The following WDR49 variants were observed in gnomAD, a reference collection of about 807,000 sequenced individuals.
The protein encoded by WDR49 is WD repeat domain 49.
Under a neutral mutation model 119.5 loss-of-function variants are expected in WDR49, and 107 were observed. The ratio of observed to expected loss-of-function variants is 0.90; its 90% CI spans 0.77 to 1.05. The LOEUF (loss-of-function observed/expected upper bound fraction) is 1.05, where lower values mean the gene tolerates loss of function less well. WDR49 is among the 50% of genes least tolerant of loss of function. The probability of loss-of-function intolerance (pLI) is 0.00; values close to 1 mark genes in which losing one functional copy is unlikely to be tolerated. For synonymous variants in WDR49, 425 were observed against 418.8 expected (o/e 1.01, Z -0.18); for missense variants, 1,240 against 1,220.5 (o/e 1.02, Z -0.24).
rs1220998356 is a variant in WDR49, at chr3:167,653,399, C to A, written c.27G>T (p.Glu9Asp). 1.3e-6 allele frequency: 2 copies of A among 1,529,850 alleles called. No individual in the cohort carries two copies. Among genetic ancestry groups the A allele is most frequent in the Admixed American group, 4.0e-5 (2 of 49,872 alleles). The allele number at this position is 1,529,850 out of a possible 1,614,324, so 94.8% of individuals were successfully genotyped here. A position where few individuals can be genotyped will look rare whatever the true frequency, so the allele number is the denominator to read the frequency against. Reference sequence around the variant, plus strand: ...GCCCAAGCTGTGACCCTATGTTTAACTCAAGTACAGCTTTCTGGCAACTCA... The same window carrying A: ...GCCCAAGCTGTGACCCTATGTTTAAATCAAGTACAGCTTTCTGGCAACTCA... Reference protein sequence around the residue: MSCQKAVLELNIGSQLGPK... With the variant: MSCQKAVLDLNIGSQLGPK... The change falls in exon 2 of 19, where the codon GAG becomes GAT. Residue 9 changes from glutamate to aspartate, a missense_variant. Glu to Asp is a conservative substitution (Grantham distance 45). Transcript: ENST00000682715.
chr3:167,488,674 T>C (rs1337975196), intron 18 of WDR49, among the ~76,000 whole-genome samples: 1 of 152,086 alleles, frequency 6.6e-6, no homozygotes, highest in Non-Finnish European at 1.5e-5. Flanking sequence ...GGACAGTAGT[T>C]TGCTCAGATT....
chr3:167,542,218 A>G (rs1034498877), intron 10 of WDR49, among the ~76,000 whole-genome samples: 2 of 152,166 alleles, frequency 1.3e-5, no homozygotes, highest in Admixed American at 1.3e-4. Context: ...TGACACGAGT[A>G]AACAGGTTGT....
chr3:167,593,682 T>C (rs1397090472), intron 7 of WDR49, among the ~76,000 whole-genome samples: 1 of 152,126 alleles, frequency 6.6e-6, no homozygotes, highest in East Asian at 1.9e-4. Flanking sequence ...CTTTGGTGTC[T>C]GGGCATTGAA....
chr3:167,485,047 C>G (rs1750869590), intron 18 of WDR49, among the ~76,000 whole-genome samples: 1 of 152,130 alleles, frequency 6.6e-6, no homozygotes, highest in African/African-American at 2.4e-5. Context: ...TTTGCAGGGA[C>G]ATGGATGAAG....
chr3:167,554,058 T>C (rs1458255052), intron 10 of WDR49, among the ~76,000 whole-genome samples: 2 of 152,024 alleles, frequency 1.3e-5, no homozygotes, highest in Non-Finnish European at 2.9e-5. Context: ...TTTCAAAACA[T>C]ATCACACTTT....
At position 167,562,885 on chromosome 3, in the gene WDR49, A is replaced by T. The variant is rs372874564; in HGVS notation, c.1510-2657T>A. The stretch of plus-strand genomic sequence containing the variant: ...TTAAACAAACTAATATTTTTAAAGC[A>T]TTTATCACAGTGCATGGCATAGCCA... On this transcript the variant is annotated intron_variant, in intron 8 of 18. Transcript: ENST00000682715. Among the ~76,000 whole-genome samples, 111 of 152,346 alleles carry T rather than the reference A, an allele frequency of 7.3e-4. 1 individual carries two copies. Among genetic ancestry groups the T allele is most frequent in the African/African-American group, 2.5e-3 (105 of 41,586 alleles).
intron 2 of WDR49, among the ~76,000 whole-genome samples, chr3:167,642,621 GT>G (rs1395044323): frequency 1.3e-5 from 2 of 151,970 alleles, no homozygotes; most frequent in African/African-American, 4.8e-5. Flanking sequence ...TCAACTGAAA[GT>G]ACCTGGAAGC....
At chr3:167,547,825 T>G (rs2108259781) in intron 10 of WDR49, among the ~76,000 whole-genome samples, 1 of 152,094 alleles carries the variant, frequency 6.6e-6, no homozygotes, top group Non-Finnish European at 1.5e-5. Context: ...GTTTACATTT[T>G]GAATTAAGAT....
intron 17 of WDR49, among the ~76,000 whole-genome samples, chr3:167,501,293 G>A (rs984666139): frequency 7.9e-5 from 12 of 152,164 alleles, no homozygotes; most frequent in Admixed American, 7.2e-4. Context: ...CTTAGGATGC[G>A]TTAGTAATTT....
At position 167,529,154 on chromosome 3, in the gene WDR49, C is replaced by T; in HGVS notation, c.2304G>A (p.Leu768=). 1.2e-6 allele frequency: 2 copies of T among 1,612,020 alleles called. No individual in the cohort carries two copies. The highest frequency in any genetic ancestry group is 8.5e-7 in the Non-Finnish European group (1 of 1,179,220). ...TAATCGATCCAACTCCACTATGAGCCAAAAATTCAGCCAGAAGTTGCTTCT... is the reference window on the plus strand; with the variant it reads ...TAATCGATCCAACTCCACTATGAGCTAAAAATTCAGCCAGAAGTTGCTTCT... ...IYKKQLLAEF[L]AHSGVGSIIM... is the part of the protein sequence containing the mutation. The change falls in exon 14 of 19, where the codon TTG becomes TTA. Residue 768 remains leucine (L), a synonymous_variant. Coordinates refer to ENST00000682715, the MANE Select transcript of WDR49 (RefSeq NM_001366157.1).
At chr3:167,525,134 T>C (rs1752589166) in intron 15 of WDR49, among the ~76,000 whole-genome samples, 1 of 152,108 alleles carries the variant, frequency 6.6e-6, no homozygotes, top group Non-Finnish European at 1.5e-5. Flanking sequence ...CCCTTGTAAG[T>C]TGTATTCCTA....
chr3:167,561,823 A>G (rs1713286292), intron 8 of WDR49, among the ~76,000 whole-genome samples: 2 of 152,164 alleles, frequency 1.3e-5, no homozygotes, highest in Admixed American at 6.5e-5. Flanking sequence ...AATGTCCCCA[A>G]ACTTACAGGT....
chr3:167,620,655 A>T (rs955035022), intron 4 of WDR49, 52 bp from the exon 5 acceptor site: 28 of 1,458,632 alleles, frequency 1.9e-5, no homozygotes, highest in Non-Finnish European at 2.4e-5. Context: ...ATTTGTTGCA[A>T]GAAGATTCTA....
chr3:167,597,771 A>G (rs1440701139), intron 7 of WDR49, among the ~76,000 whole-genome samples: 1 of 152,162 alleles, frequency 6.6e-6, no homozygotes. Flanking sequence ...TTGGACTTGC[A>G]TGAGGCTTGT....
intron 2 of WDR49, among the ~76,000 whole-genome samples, chr3:167,632,660 A>G (rs1717425663): frequency 6.6e-6 from 1 of 152,086 alleles, no homozygotes; most frequent in South Asian, 2.1e-4. Context: ...TTAAATGTAC[A>G]ATTAAGGTAA....
At chr3:167,621,380 TCA>T (rs1716860900) in intron 4 of WDR49, 85 bp downstream of exon 4, 2 of 1,291,370 alleles carry the variant, frequency 1.5e-6, no homozygotes, top group Non-Finnish European at 2.0e-6. Context: ...AATTTGGAGG[TCA>T]CACTCATTGC....
chr3:167,504,865 G>A (rs1399777404), intron 17 of WDR49, among the ~76,000 whole-genome samples: 6 of 151,974 alleles, frequency 3.9e-5, no homozygotes, highest in Non-Finnish European at 8.8e-5. Context: ...ACAGAGATCT[G>A]GCTGTTGAAA....
chr3:167,544,404 A>T (rs1712036480), intron 10 of WDR49, among the ~76,000 whole-genome samples: 1 of 152,084 alleles, frequency 6.6e-6, no homozygotes, highest in Non-Finnish European at 1.5e-5. Context: ...ACATTACTTT[A>T]TTTCAACCTA....
intron 15 of WDR49, among the ~76,000 whole-genome samples, chr3:167,523,548 TC>T (rs1305367796): frequency 6.6e-6 from 1 of 151,884 alleles, no homozygotes; most frequent in African/African-American, 2.4e-5. Flanking sequence ...ACCTCCCCTT[TC>T]CCCCACCCCG....
Sources: allele counts gnomAD v4.1 joint callset (sites outside exome capture counted in the v4.1 genomes callset), GRCh38; gene constraint gnomAD v4.1.1; transcripts MANE v1.5; gene names NCBI Gene and HGNC (gene_info 2026-07-23, HGNC 2026-07-21).